VNN1: variants seen among roughly 807,000 people sequenced by gnomAD.
VNN1 encodes the protein vanin 1.
In VNN1, 29 loss-of-function variants were observed where a neutral mutation model predicts 41.9. The ratio of observed to expected loss-of-function variants is 0.69; its 90% CI spans 0.52 to 0.94. The LOEUF is 0.94. Among genes scored for constraint, VNN1 ranks in the 40% least tolerant of loss-of-function variants. The pLI, the probability that VNN1 is intolerant of heterozygous loss-of-function variation, is 0.00. For missense variants in VNN1, 637 were observed against 621.1 expected (o/e 1.03, Z -0.27); for synonymous variants, 233 against 224.4 (o/e 1.04, Z -0.34).
At chr6:132,710,867 T>C (rs146904302) in intron 2 of VNN1, among the ~76,000 whole-genome samples, 3 of 152,366 alleles carry the variant, frequency 2.0e-5, no homozygotes, top group East Asian at 1.9e-4. Context: ...AAATGATTTA[T>C]GATCCTTTGG....
At chr6:132,708,866 TC>T (rs1340485825) in intron 2 of VNN1, among the ~76,000 whole-genome samples, 1 of 152,128 alleles carries the variant, frequency 6.6e-6, no homozygotes, top group Non-Finnish European at 1.5e-5. Flanking sequence ...CCTACTTTTC[TC>T]CTCTTCTGTC....
In VNN1 at chr6:132,681,519, G is replaced by C. The variant is rs1778121024; in HGVS notation, c.*1621C>G. The C allele has an allele frequency of 6.6e-6, 1 of 152,056 alleles. No individual in the cohort carries two copies. The highest frequency in any genetic ancestry group is 1.5e-5 in the Non-Finnish European group (1 of 68,030). 9.4% of individuals were successfully genotyped at this position (152,056 alleles called of 1,614,324 possible). On this transcript the variant is annotated 3_prime_UTR_variant, in exon 7 of 7. Transcript: ENST00000367928. ...TTGTTGTTTTAAGATAATAGTTTGGGGGCAATTCATTACACCACAAGGGAG... is the reference window on the plus strand; with the variant it reads ...TTGTTGTTTTAAGATAATAGTTTGGCGGCAATTCATTACACCACAAGGGAG...
intron 5 of VNN1, among the ~76,000 whole-genome samples, chr6:132,685,064 C>A (rs913107203): frequency 6.6e-6 from 1 of 152,190 alleles, no homozygotes; most frequent in African/African-American, 2.4e-5. Flanking sequence ...TATCTTATTG[C>A]CTGTTTCACA....
Position 132,681,255 on chromosome 6 carries a change from C to T in VNN1, c.*1885G>A, listed in dbSNP as rs1392883424. Among the ~76,000 whole-genome samples the T allele has an allele frequency of 2.0e-5, 3 of 152,190 alleles. No homozygotes were observed. Among genetic ancestry groups the T allele is most frequent in the African/African-American group, 7.2e-5 (3 of 41,430 alleles). On this transcript the variant is annotated 3_prime_UTR_variant, in exon 7 of 7. Transcript: ENST00000367928. ...TGTGCTTTCTCTCTCAGTATCATTG[C>T]TCTAGGAGAAGCCAGATGACATTTT...
chr6:132,688,268 C>T (rs1778233615), intron 5 of VNN1, among the ~76,000 whole-genome samples: 1 of 152,014 alleles, frequency 6.6e-6, no homozygotes, highest in Non-Finnish European at 1.5e-5. Flanking sequence ...GGTGAATAAT[C>T]CCATGTTTTC....
rs775456272 is a variant in VNN1 at position 132,693,310 on chromosome 6, G to A, written c.540C>T (p.Asn180=). 8 of 1,598,344 alleles carry A rather than the reference G, an allele frequency of 5.0e-6. No individual in the cohort carries two copies. Among genetic ancestry groups the A allele is most frequent in the South Asian group, 3.4e-5 (3 of 88,558 alleles). The change falls in exon 4 of 7, where the codon AAC becomes AAT. Residue 180 remains asparagine (N), a synonymous_variant. Transcript: ENST00000367928. The part of the protein sequence containing the change: ...GKLVARYHKQ[N]LFMGENQFNV... ...TGAATTGATTTTCACCCATGAAAAG[G>A]TTTTGCTGCAATAAACAGAAGATAA...
At chr6:132,707,608 C>T (rs1433384069) in intron 2 of VNN1, among the ~76,000 whole-genome samples, 1 of 152,232 alleles carries the variant, frequency 6.6e-6, no homozygotes, top group Admixed American at 6.5e-5. Flanking sequence ...TCATTTGCAA[C>T]AATATGAATG....
chr6:132,713,156 T>C (rs534448146), intron 1 of VNN1, among the ~76,000 whole-genome samples: 1 of 152,122 alleles, frequency 6.6e-6, no homozygotes, highest in Non-Finnish European at 1.5e-5. Context: ...AGAATATATA[T>C]TTATAGATAT....
intron 5 of VNN1, among the ~76,000 whole-genome samples, chr6:132,690,103 C>A (rs992290789): frequency 6.6e-6 from 1 of 152,204 alleles, no homozygotes; most frequent in Non-Finnish European, 1.5e-5. Flanking sequence ...TTGGTCCAGA[C>A]CCTTAATAAG....
Position 132,711,743 on chromosome 6 carries a change from C to T in VNN1, c.307G>A (p.Glu103Lys), listed in dbSNP as rs151003414. 8.2e-5 allele frequency: 132 copies of T among 1,613,764 alleles called. No homozygotes were observed. The African/African-American group carries it at 1.5e-3, about 19-fold the overall frequency. ...TTATTACAGGGGATCCAGTTTACTT[C>T]AGGGTCTGGGATGTCCTCCAAATAT... Reference protein sequence around the residue: ...YPYLEDIPDPEVNWIPCNNRN... With the variant: ...YPYLEDIPDPKVNWIPCNNRN... The change falls in exon 2 of 7, where the codon GAA (glutamate) becomes AAA (lysine). Residue 103 changes from glutamate to lysine, a missense_variant. By Grantham distance (56) the Glu-to-Lys change is moderately conservative. Coordinates refer to ENST00000367928, the MANE Select transcript of VNN1 (RefSeq NM_004666.3).
chr6:132,689,492 TG>T (rs531792733), intron 5 of VNN1, among the ~76,000 whole-genome samples: 154 of 152,332 alleles, frequency 1.0e-3, no homozygotes, highest in African/African-American at 3.6e-3. Flanking sequence ...ATGCTAATAA[TG>T]GTCAACGTAT....
chr6:132,713,953 G>C lies in VNN1; in HGVS notation c.83C>G (p.Ala28Gly). The C allele has an allele frequency of 6.2e-7, 1 of 1,614,176 alleles. No homozygotes were observed. Among genetic ancestry groups the C allele is most frequent in the Non-Finnish European group, 8.5e-7 (1 of 1,180,028 alleles). ...RASCQDTFTA[A>G]VYEHAAILPN... ...CAATATCGCTGCATGCTCATAAACA[G>C]CTGCAGTGAAAGTGTCCTGGCAGCT... The change falls in exon 1 of 7, where the codon GCT becomes GGT. Residue 28 changes from alanine to glycine, a missense_variant. Ala to Gly is a moderately conservative substitution (Grantham distance 60). Coordinates refer to ENST00000367928, the MANE Select transcript of VNN1 (RefSeq NM_004666.3).
At chr6:132,705,248 A>G (rs546903115) in intron 2 of VNN1, among the ~76,000 whole-genome samples, 1 of 152,284 alleles carries the variant, frequency 6.6e-6, no homozygotes, top group South Asian at 2.1e-4. Flanking sequence ...AACATCCCTG[A>G]TGAACATTGA....
intron 1 of VNN1, among the ~76,000 whole-genome samples, chr6:132,712,702 A>T (rs373293930): frequency 1.3e-5 from 2 of 152,216 alleles, no homozygotes; most frequent in East Asian, 3.8e-4. Flanking sequence ...TCCCATGCCT[A>T]CAAGTACTGC....
rs951757022 is a variant in VNN1, at chr6:132,681,518, G to A, written c.*1622C>T. Reference sequence around the variant, plus strand: ...TTTGTTGTTTTAAGATAATAGTTTGGGGGCAATTCATTACACCACAAGGGA... The same window carrying A: ...TTTGTTGTTTTAAGATAATAGTTTGAGGGCAATTCATTACACCACAAGGGA... On this transcript the variant is annotated 3_prime_UTR_variant, in exon 7 of 7. Coordinates refer to ENST00000367928, the MANE Select transcript of VNN1 (RefSeq NM_004666.3). The A allele has an allele frequency of 6.6e-6, 1 of 152,126 alleles. No homozygotes were observed. The highest frequency in any genetic ancestry group is 2.4e-5 in the African/African-American group (1 of 41,422). 9.4% of individuals were successfully genotyped at this position (152,126 alleles called of 1,614,324 possible).
intron 2 of VNN1, chr6:132,699,065 G>A: frequency 3.9e-6 from 1 of 259,618 alleles, no homozygotes; most frequent in Non-Finnish European, 8.1e-6. Context: ...CCTTGGATGT[G>A]TTGAACTGAG....
rs1366459725 is a variant in VNN1, at chr6:132,683,074, A to G, written c.*66T>C. The stretch of plus-strand genomic sequence containing the variant: ...CTAGAGGATAATATTAACCCGGACC[A>G]ATCTTTCTTTTCTCATCCATCATTT... On this transcript the variant is annotated 3_prime_UTR_variant, in exon 7 of 7. Transcript: ENST00000367928. 16 of 1,460,236 alleles carry G rather than the reference A, an allele frequency of 1.1e-5. No homozygotes were observed. Among genetic ancestry groups the G allele is most frequent in the Non-Finnish European group, 1.5e-5 (16 of 1,079,102 alleles). The allele number at this position is 1,460,236 out of a possible 1,614,324, so 90.5% of individuals were successfully genotyped here. A position where few individuals can be genotyped will look rare whatever the true frequency, so the allele number is the denominator to read the frequency against.
chr6:132,686,352 G>C (rs1302930242), intron 5 of VNN1, among the ~76,000 whole-genome samples: 1 of 152,164 alleles, frequency 6.6e-6, no homozygotes, highest in Non-Finnish European at 1.5e-5. Context: ...GGAGGCTGAG[G>C]CAGGAGAATT....
At chr6:132,696,675 GA>G (rs34350742) in intron 2 of VNN1, among the ~76,000 whole-genome samples, 5,801 of 149,394 alleles carry the variant, frequency 0.039, 195 homozygotes, top group South Asian at 0.099. Context: ...AGTACTGAAA[GA>G]AAAAAAAATC....
Sources: allele counts gnomAD v4.1 joint callset (sites outside exome capture counted in the v4.1 genomes callset), GRCh38; gene constraint gnomAD v4.1.1; transcripts MANE v1.5; gene names NCBI Gene and HGNC (gene_info 2026-07-23, HGNC 2026-07-21).